Variants in GFPT2 observed in about 807,000 individuals in gnomAD.
The protein encoded by GFPT2 is glutamine--fructose-6-phosphate transaminase 2.
A neutral mutation model predicts 85.6 loss-of-function variants in GFPT2; 62 were observed. That is an observed-to-expected ratio of 0.72 (90% CI 0.59 to 0.90). The LOEUF (loss-of-function observed/expected upper bound fraction) is 0.90. Among genes scored for constraint, GFPT2 ranks in the 40% least tolerant of loss-of-function variants. The pLI is 0.00. For synonymous variants in GFPT2, 368 were observed against 344.5 expected, an observed-to-expected ratio of 1.07 and a Z score of -0.75; for missense variants, 788 against 893.4, an observed-to-expected ratio of 0.88 and a Z score of 1.50.
At chr5:180,312,390 C>A in intron 15 of GFPT2, 40 bp downstream of exon 15, 1 of 1,023,454 alleles carries the variant, frequency 9.8e-7, no homozygotes. Flanking sequence ...CAACAGTCCA[C>A]TAGATCTGAA....
At position 180,323,489 on chromosome 5, in the gene GFPT2, A is replaced by G. The variant is rs150106085; in HGVS notation, c.794+699T>C. 0.011 allele frequency among the ~76,000 whole-genome samples: 1,687 copies of G among 152,062 alleles called. 9 individuals carry two copies. Among genetic ancestry groups the G allele is most frequent in the Middle Eastern group, 0.054 (16 of 294 alleles). On this transcript the variant is annotated intron_variant, in intron 9 of 18. Coordinates refer to ENST00000253778, the MANE Select transcript of GFPT2 (RefSeq NM_005110.4). The surrounding 1 kb of genome is among the most constrained non-coding windows in gnomAD (Gnocchi z 4.0). The stretch of plus-strand genomic sequence containing the variant: ...AGAAGGTACCAGAGGTGATTACAGC[A>G]GTTTTCTACTTCAAATGGCAGGAAA...
intron 7 of GFPT2, among the ~76,000 whole-genome samples, chr5:180,327,580 A>G (rs1407006468): frequency 6.6e-6 from 1 of 152,040 alleles, no homozygotes; most frequent in Non-Finnish European, 1.5e-5. Flanking sequence ...CTCCTGTACA[A>G]CTGTTCAGCC....
chr5:180,332,478 G>C (rs940169950), intron 4 of GFPT2, among the ~76,000 whole-genome samples: 1 of 152,058 alleles, frequency 6.6e-6, no homozygotes, highest in Non-Finnish European at 1.5e-5. Context: ...TGTGGGATAC[G>C]CTTCATAAAT....
intron 1 of GFPT2, among the ~76,000 whole-genome samples, chr5:180,339,107 C>T (rs186362305): frequency 5.9e-5 from 9 of 152,022 alleles, no homozygotes; most frequent in African/African-American, 1.7e-4. Context: ...GAGCCGGGGG[C>T]GGTGGCTCAT....
chr5:180,305,176 C>A (rs1339454507), intron 16 of GFPT2, among the ~76,000 whole-genome samples: 1 of 152,094 alleles, frequency 6.6e-6, no homozygotes, highest in East Asian at 1.9e-4. Flanking sequence ...CCTCTGTGTC[C>A]CCACACCAGC....
At chr5:180,316,664 G>C in intron 12 of GFPT2, 100 bp downstream of exon 12, 1 of 971,830 alleles carries the variant, frequency 1.0e-6, no homozygotes, top group Non-Finnish European at 1.6e-6. Flanking sequence ...GGGTACAAGG[G>C]CTTAGCCAAA....
At chr5:180,335,685 G>C in intron 4 of GFPT2, 143 bp downstream of exon 4, 1 of 856,240 alleles carries the variant, frequency 1.2e-6, no homozygotes, top group Non-Finnish European at 1.8e-6. Flanking sequence ...CTCTGGGAGA[G>C]GGGACATCCG....
At chr5:180,352,564 T>C (rs1764733137) in intron 1 of GFPT2, 1 of 449,038 alleles carries the variant, frequency 2.2e-6, no homozygotes, top group Non-Finnish European at 4.4e-6. Flanking sequence ...CTCCCTCTCG[T>C]GGCTTCGGGC....
rs371138776 is a variant in GFPT2 at position 180,313,869 on chromosome 5, G to A, written c.1369C>T (p.Arg457Cys). The A allele has an allele frequency of 2.7e-5, 43 of 1,604,586 alleles. No homozygotes were observed. Among genetic ancestry groups the A allele is most frequent in the Non-Finnish European group, 3.5e-5 (41 of 1,178,520 alleles). Reference protein sequence around the residue: ...VTNTVGSSISRETDCGVHINA... With the variant: ...VTNTVGSSISCETDCGVHINA... ...ATGTGGACGCCGCAGTCGGTCTCGC[G>A]AGAGATGGAGCTGCCCACGGTGTTG... The change falls in exon 14 of 19, where the codon CGC becomes TGC. Residue 457 changes from arginine (R) to cysteine (C), a missense_variant. By Grantham distance (180) the Arg-to-Cys change is radical. Coordinates refer to ENST00000253778, the MANE Select transcript of GFPT2 (RefSeq NM_005110.4).
intron 9 of GFPT2, among the ~76,000 whole-genome samples, chr5:180,319,943 AAAGT>A (rs1350499101): frequency 6.6e-6 from 1 of 152,130 alleles, no homozygotes; most frequent in Non-Finnish European, 1.5e-5. Context: ...AGGAGCCCTA[AAAGT>A]AGTCTACAAG....
At chr5:180,315,201 G>A (rs111940733) in intron 13 of GFPT2, among the ~76,000 whole-genome samples, 3,453 of 149,836 alleles carry the variant, frequency 0.023, 111 homozygotes, top group East Asian at 0.14. Flanking sequence ...TTTTTGAGAC[G>A]GAGTCTCGCT....
intron 15 of GFPT2, 144 bp from the exon 16 acceptor site, chr5:180,307,447 T>C: frequency 1.3e-6 from 1 of 762,732 alleles, no homozygotes; most frequent in South Asian, 1.8e-5. Context: ...GTTTCAAACG[T>C]AGATTACAGG....
chr5:180,325,447 G>A (rs2127652547), intron 7 of GFPT2, among the ~76,000 whole-genome samples: 1 of 152,290 alleles, frequency 6.6e-6, no homozygotes, highest in South Asian at 2.1e-4. Flanking sequence ...TTTCTTGGGT[G>A]GTTTTTTGTC....
At chr5:180,343,448 C>T (rs1764557170) in intron 1 of GFPT2, among the ~76,000 whole-genome samples, 1 of 152,266 alleles carries the variant, frequency 6.6e-6, no homozygotes, top group African/African-American at 2.4e-5. Flanking sequence ...GGGGAGCTGA[C>T]TGCAGTGAGA....
rs960988439 is a variant in GFPT2, at chr5:180,300,762, A to G, written c.*802T>C. The G allele has an allele frequency of 6.5e-6, 1 of 152,684 alleles. No individual in the cohort carries two copies. The highest frequency in any genetic ancestry group is 6.5e-5 in the Admixed American group (1 of 15,286). 9.5% of individuals were successfully genotyped at this position (152,684 alleles called of 1,614,324 possible). A position where few individuals can be genotyped will look rare whatever the true frequency, so the allele number is the denominator to read the frequency against. Reference sequence around the variant, plus strand: ...CTTTTGATTGTGCACGCTTTTAAATAGAGAGCAGAGTTGCCCACTTGAAAC... The same window carrying G: ...CTTTTGATTGTGCACGCTTTTAAATGGAGAGCAGAGTTGCCCACTTGAAAC... On this transcript the variant is annotated 3_prime_UTR_variant, in exon 19 of 19. Transcript: ENST00000253778.
chr5:180,327,862 T>TA (rs1561879238), intron 7 of GFPT2, among the ~76,000 whole-genome samples: 2 of 152,190 alleles, frequency 1.3e-5, no homozygotes, highest in East Asian at 3.9e-4. Context: ...AGGCCTCTGC[T>TA]GTACTGGATC....
intron 1 of GFPT2, among the ~76,000 whole-genome samples, chr5:180,350,028 C>T (rs1216380154): frequency 6.6e-6 from 1 of 152,128 alleles, no homozygotes; most frequent in Non-Finnish European, 1.5e-5. Context: ...TCATGCTGTG[C>T]CCCAGCCCAG....
At chr5:180,352,159 T>C (rs1415069602) in intron 1 of GFPT2, among the ~76,000 whole-genome samples, 1 of 151,988 alleles carries the variant, frequency 6.6e-6, no homozygotes, top group African/African-American at 2.4e-5. Context: ...GGTCGTTCCC[T>C]TCTGCCGAGC....
intron 9 of GFPT2, among the ~76,000 whole-genome samples, chr5:180,321,839 A>G (rs1485997398): frequency 3.3e-5 from 5 of 152,224 alleles, no homozygotes; most frequent in Admixed American, 2.0e-4. Context: ...GCTGGAGTGC[A>G]GTGGCGCGAT....
Sources: gnomAD v4.1 joint callset for allele counts (sites outside exome capture counted in the v4.1 genomes callset) on GRCh38, gnomAD v4.1.1 for gene constraint, Gnocchi (gnomAD v3.1) non-coding constraint, MANE v1.5 for transcripts, NCBI Gene and HGNC (gene_info 2026-07-23, HGNC 2026-07-21) for gene names.